CREBBP: variants seen among roughly 807,000 people sequenced by gnomAD.
The protein encoded by CREBBP is CREB-binding protein.
Under a neutral mutation model 265.0 loss-of-function variants are expected in CREBBP, and 19 were observed. The ratio of observed to expected loss-of-function variants is 0.07; its 90% CI spans 0.05 to 0.11. CREBBP has a LOEUF of 0.11. Among genes scored for constraint, CREBBP ranks in the 10% least tolerant of loss-of-function variants. CREBBP has a pLI of 1.00. For missense variants in CREBBP, 2,525 were observed against 3,219.0 expected (o/e 0.78, Z 5.22); for synonymous variants, 1,457 against 1,223.7 (o/e 1.19, Z -3.98).
rs1567257590 is a variant in CREBBP at position 3,726,418 on chromosome 16, ACC to A, written c.*1298_*1299del. 0.017 allele frequency: 5 copies of A among 288 alleles called. No individual in the cohort carries two copies. Among genetic ancestry groups the A allele is most frequent in the Non-Finnish European group, 0.015 (1 of 68 alleles). 0.0% of individuals were successfully genotyped at this position (288 alleles called of 1,614,324 possible). A position where few individuals can be genotyped will look rare whatever the true frequency, so the allele number is the denominator to read the frequency against. ...GTGTGGGGCCAACGCTGAGCCGCCC[ACC>A]TCAGTCGCCCACCTCAGTCTCCGGG... is the stretch of plus-strand genomic sequence containing the variant. On this transcript the variant is annotated 3_prime_UTR_variant, in exon 31 of 31. Transcript: ENST00000262367.
At chr16:3,819,593 A>T (rs1045850296) in intron 2 of CREBBP, among the ~76,000 whole-genome samples, 4 of 152,214 alleles carry the variant, frequency 2.6e-5, no homozygotes, top group African/African-American at 9.7e-5. Context: ...ACATTTTCAG[A>T]AAAACACTGT....
intron 2 of CREBBP, among the ~76,000 whole-genome samples, chr16:3,835,438 T>A (rs536260339): frequency 4.6e-5 from 7 of 152,204 alleles, no homozygotes; most frequent in African/African-American, 1.7e-4. Flanking sequence ...TGGGCTATAG[T>A]TTGCCCTTAG....
chr16:3,845,921 G>T (rs560166234), intron 2 of CREBBP, among the ~76,000 whole-genome samples: 131 of 144,150 alleles, frequency 9.1e-4, no homozygotes, highest in African/African-American at 3.3e-3. Context: ...CATGTAATAA[G>T]GAGAAAAATA....
In CREBBP at chr16:3,769,261, G is replaced by A. The variant is rs142528559; in HGVS notation, c.2973C>T (p.Asp991=). The change falls in exon 15 of 31, where the codon GAC becomes GAT. Residue 991 remains aspartate, a synonymous_variant. Coordinates refer to ENST00000262367, the MANE Select transcript of CREBBP (RefSeq NM_004380.3). The stretch of plus-strand genomic sequence containing the variant: ...CCGTCTTCATTTCCAGCACAGGTAC[G>A]TCAGGTCCTGGCTGCTGGGAATTGG... ...AETNSQQPGP[D]VPVLEMKTET... is the part of the protein sequence containing the mutation. 4,016 of 1,614,158 alleles carry A rather than the reference G, an allele frequency of 2.5e-3. 9 individuals carry two copies. Among genetic ancestry groups the A allele is most frequent in the Non-Finnish European group, 3.0e-3 (3,512 of 1,180,032 alleles).
intron 2 of CREBBP, among the ~76,000 whole-genome samples, chr16:3,813,581 C>T (rs559830995): frequency 6.6e-6 from 1 of 152,172 alleles, no homozygotes; most frequent in East Asian, 1.9e-4. Flanking sequence ...TACAACAACA[C>T]GAACAACAAC....
chr16:3,792,855 C>G (rs1047931173), intron 4 of CREBBP, among the ~76,000 whole-genome samples: 4 of 152,210 alleles, frequency 2.6e-5, no homozygotes, highest in Admixed American at 6.5e-5. Flanking sequence ...TTCACCACCC[C>G]CCCTGGGATG....
chr16:3,790,175 G>A (rs1282902596), intron 5 of CREBBP, among the ~76,000 whole-genome samples: 2 of 151,976 alleles, frequency 1.3e-5, no homozygotes, highest in African/African-American at 4.8e-5. Context: ...ATATACTAAA[G>A]AAAAAACTTT....
chr16:3,815,158 G>C (rs1291809357), intron 2 of CREBBP, among the ~76,000 whole-genome samples: 1 of 152,156 alleles, frequency 6.6e-6, no homozygotes. Flanking sequence ...ATACTTCTTA[G>C]GACCAATGCC....
intron 2 of CREBBP, among the ~76,000 whole-genome samples, chr16:3,826,321 C>T (rs1420302512): frequency 6.6e-6 from 1 of 152,164 alleles, no homozygotes; most frequent in Non-Finnish European, 1.5e-5. Context: ...ATCTCCCACA[C>T]TGAAGAAGTC....
At chr16:3,795,726 T>G (rs944422358) in intron 3 of CREBBP, among the ~76,000 whole-genome samples, 7 of 152,170 alleles carry the variant, frequency 4.6e-5, no homozygotes, top group African/African-American at 1.7e-4. Flanking sequence ...GGCTTATCCC[T>G]GTGGATTGGA....
intron 1 of CREBBP, among the ~76,000 whole-genome samples, chr16:3,860,157 C>T (rs1013472344): frequency 1.3e-5 from 2 of 152,090 alleles, no homozygotes; most frequent in African/African-American, 4.8e-5. Context: ...AATCTGGTCC[C>T]AGAGGTGTTC....
Position 3,852,171 on chromosome 16 carries a change from T to TG in CREBBP, c.86-1163_86-1162insC, listed in dbSNP as rs1444036353. Among the ~76,000 whole-genome samples the TG allele has an allele frequency of 4.6e-4, 53 of 114,624 alleles. No individual in the cohort carries two copies. In the East Asian group the frequency reaches 0.011, roughly 23 times the overall value. The allele number at this position is 114,624 out of a possible 152,430, so 75.2% of individuals were successfully genotyped here. On this transcript the variant is annotated intron_variant, in intron 1 of 30. Transcript: ENST00000262367. ...ATCTTAAATTTGTTTTTTTTTTTTT[T>TG]TTTTTTTTTTTGAGACAGAGTCTCG... is the stretch of plus-strand genomic sequence containing the variant.
Position 3,773,918 on chromosome 16 carries a change from G to A in CREBBP, c.2296C>T (p.Pro766Ser), listed in dbSNP as rs2141217014. ...MGSVPGMAIS[P>S]SRMPQPPNMM... ...TTCGGAGGCTGAGGCATTCGGGAAG[G>A]AGAAATGGCCATCTACGAGACAACA... Residue 766 changes from proline (P) to serine (S), a missense_variant, in exon 13 of 31, where the codon CCT becomes TCT. Pro to Ser is a moderately conservative substitution (Grantham distance 74). Transcript: ENST00000262367. The A allele has an allele frequency of 6.2e-7, 1 of 1,612,242 alleles. No homozygotes were observed. Among genetic ancestry groups the A allele is most frequent in the Non-Finnish European group, 8.5e-7 (1 of 1,180,030 alleles).
chr16:3,739,154 T>C (rs1204674865), intron 25 of CREBBP, among the ~76,000 whole-genome samples: 1 of 152,198 alleles, frequency 6.6e-6, no homozygotes, highest in Non-Finnish European at 1.5e-5. Flanking sequence ...TTTTCGTCAC[T>C]GAACAAAAGG....
At chr16:3,765,333 G>A (rs1268823744) in intron 16 of CREBBP, among the ~76,000 whole-genome samples, 1 of 152,196 alleles carries the variant, frequency 6.6e-6, no homozygotes, top group Non-Finnish European at 1.5e-5. Context: ...TCCTCACACA[G>A]AATAAAAGAT....
At chr16:3,794,091 G>A (rs892459411) in intron 3 of CREBBP, among the ~76,000 whole-genome samples, 4 of 151,774 alleles carry the variant, frequency 2.6e-5, no homozygotes, top group African/African-American at 9.7e-5. Context: ...ACTCTGGGAG[G>A]CCGAGGCAGG....
At chr16:3,746,040 G>A (rs1482624964) in intron 21 of CREBBP, among the ~76,000 whole-genome samples, 4 of 152,180 alleles carry the variant, frequency 2.6e-5, no homozygotes, top group African/African-American at 9.7e-5. Context: ...TCCAGGAACC[G>A]CCTCAACCCA....
chr16:3,791,996 T>A lies in CREBBP; in HGVS notation c.1315A>T (p.Lys439Ter), dbSNP rs1224361693. The change falls in exon 5 of 31, where the codon AAG (lysine) becomes TAG (stop). Residue 439 changes from lysine to a stop codon, truncating the protein, a stop_gained. Coordinates refer to ENST00000262367, the MANE Select transcript of CREBBP (RefSeq NM_004380.3). LOFTEE classifies it high-confidence loss of function. ...VCLPLKNASD[K>*]RNQQTILGSP... ...GCTCACTTACTTTGTTGGTTTCGCT[T>A]GTCACTGGCATTTTTCAAAGGGAGG... 5 of 1,613,880 alleles carry A rather than the reference T, an allele frequency of 3.1e-6. No homozygotes were observed. Among genetic ancestry groups the A allele is most frequent in the Non-Finnish European group, 3.4e-6 (4 of 1,179,816 alleles).
rs2151306280 is a variant in CREBBP at position 3,728,966 on chromosome 16, G to A, written c.6081C>T (p.Pro2027=). 1 of 1,597,198 alleles carries A rather than the reference G, an allele frequency of 6.3e-7. No individual in the cohort carries two copies. The highest frequency in any genetic ancestry group is 8.5e-7 in the Non-Finnish European group (1 of 1,177,052). Reference sequence around the variant, plus strand: ...GCAAGCCTGGCATGGGCTGCTGCTGGGGAAGGGGCGCCTGCTGCCACTGCC... The same window carrying A: ...GCAAGCCTGGCATGGGCTGCTGCTGAGGAAGGGGCGCCTGCTGCCACTGCC... ...PPGQWQQAPL[P]QQQPMPGLPR... Residue 2027 remains proline (P), a synonymous_variant, in exon 31 of 31, where the codon CCC becomes CCT. Transcript: ENST00000262367. This position sits in a 1 kb window ranked among gnomAD's most constrained non-coding sequence, Gnocchi z 8.7.
Sources: gnomAD v4.1 joint callset for allele counts (sites outside exome capture counted in the v4.1 genomes callset) on GRCh38, gnomAD v4.1.1 for gene constraint, Gnocchi (gnomAD v3.1) non-coding constraint, MANE v1.5 for transcripts, NCBI Gene and HGNC (gene_info 2026-07-23, HGNC 2026-07-21) for gene names.